Variants in FARSB observed in about 807,000 individuals in gnomAD.
FARSB encodes the protein phenylalanyl-tRNA synthetase subunit beta, also known as phenylalanine--tRNA ligase beta subunit.
A neutral mutation model predicts 69.6 loss-of-function variants in FARSB; 40 were observed. The ratio of observed to expected loss-of-function variants is 0.57; its 90% CI spans 0.45 to 0.75. The LOEUF (loss-of-function observed/expected upper bound fraction) is 0.75, where lower values mean the gene tolerates loss of function less well. Among genes scored for constraint, FARSB ranks in the 30% least tolerant of loss-of-function variants. The probability of loss-of-function intolerance (pLI) is 0.00; values close to 1 mark genes in which losing one functional copy is unlikely to be tolerated. For missense variants in FARSB, 632 were observed against 722.9 expected (o/e 0.87, Z 1.44); for synonymous variants, 235 against 247.2 (o/e 0.95, Z 0.46).
At chr2:222,605,111 T>C (rs1393116039) in intron 15 of FARSB, among the ~76,000 whole-genome samples, 1 of 149,440 alleles carries the variant, frequency 6.7e-6, no homozygotes, top group Non-Finnish European at 1.5e-5. Context: ...AAACCAACCA[T>C]ATTCATAAAC....
chr2:222,654,326 C>T (rs1559221037), intron 1 of FARSB, among the ~76,000 whole-genome samples: 1 of 150,546 alleles, frequency 6.6e-6, no homozygotes, highest in Non-Finnish European at 1.5e-5. Flanking sequence ...TTGTTTCATG[C>T]AAAAAAAAAT....
intron 10 of FARSB, among the ~76,000 whole-genome samples, chr2:222,625,623 T>A (rs932843777): frequency 2.2e-4 from 33 of 152,206 alleles, no homozygotes; most frequent in African/African-American, 6.8e-4. Context: ...CCCCAGGTGA[T>A]GAGAATGCAC....
intron 2 of FARSB, among the ~76,000 whole-genome samples, chr2:222,643,527 A>G (rs1188402249): frequency 6.6e-6 from 1 of 152,258 alleles, no homozygotes; most frequent in Non-Finnish European, 1.5e-5. Flanking sequence ...TAACAACAAC[A>G]AAAGTGTCAA....
chr2:222,585,433 C>G (rs1046022908), intron 16 of FARSB, among the ~76,000 whole-genome samples: 2 of 152,218 alleles, frequency 1.3e-5, no homozygotes, highest in African/African-American at 4.8e-5. Context: ...AGCAGAAAAG[C>G]TGAAAATTCT....
intron 14 of FARSB, among the ~76,000 whole-genome samples, chr2:222,616,416 G>A (rs994677780): frequency 2.0e-5 from 3 of 152,006 alleles, no homozygotes; most frequent in Non-Finnish European, 4.4e-5. Context: ...GCGCGGCAGC[G>A]CGTGCCTGTA....
intron 15 of FARSB, among the ~76,000 whole-genome samples, chr2:222,612,119 T>C (rs1356346956): frequency 6.6e-6 from 1 of 152,242 alleles, no homozygotes; most frequent in African/African-American, 2.4e-5. Context: ...AATGGAATTA[T>C]ATCAAATTCT....
At chr2:222,574,225 T>C (rs748647617) in intron 16 of FARSB, among the ~76,000 whole-genome samples, 2 of 152,148 alleles carry the variant, frequency 1.3e-5, no homozygotes, top group African/African-American at 4.8e-5. Flanking sequence ...TCTCCAGAAG[T>C]TGGGATCAAA....
chr2:222,603,716 AAATAT>A (rs1445376348), intron 15 of FARSB, among the ~76,000 whole-genome samples: 1 of 147,540 alleles, frequency 6.8e-6, no homozygotes, highest in Non-Finnish European at 1.5e-5. Flanking sequence ...TAATAATAAT[AAATAT>A]AATATTAATT....
chr2:222,624,813 A>G (rs746828441), intron 10 of FARSB, 38 bp from the exon 11 acceptor site: 1 of 1,278,776 alleles, frequency 7.8e-7, no homozygotes. Flanking sequence ...ATCATTTCCC[A>G]TCAGATACAG....
At chr2:222,592,957 C>T (rs369997934) in intron 16 of FARSB, among the ~76,000 whole-genome samples, 51 of 152,018 alleles carry the variant, frequency 3.4e-4, no homozygotes, top group Non-Finnish European at 6.0e-4. Flanking sequence ...TCCTTTCGTC[C>T]GGTGTGTCCA....
rs1689693436 is a variant in FARSB at position 222,570,307 on chromosome 2, T to C, written c.*1564A>G. Among the ~76,000 whole-genome samples the C allele has an allele frequency of 6.6e-6, 1 of 152,240 alleles. No homozygotes were observed. Among genetic ancestry groups the C allele is most frequent in the Non-Finnish European group, 1.5e-5 (1 of 68,040 alleles). ...ATACAAGTCCTTTTGGCATGCATTATTTTTAGAGGGCATATTTCATTTTTA... is the reference window on the plus strand; with the variant it reads ...ATACAAGTCCTTTTGGCATGCATTACTTTTAGAGGGCATATTTCATTTTTA... On this transcript the variant is annotated 3_prime_UTR_variant, in exon 17 of 17. Transcript: ENST00000281828.
At chr2:222,601,084 C>T (rs1258660027) in intron 15 of FARSB, among the ~76,000 whole-genome samples, 1 of 151,924 alleles carries the variant, frequency 6.6e-6, no homozygotes, top group Non-Finnish European at 1.5e-5. Context: ...CTCGGAGAAA[C>T]AGAAAGTAGA....
At chr2:222,654,744 A>G (rs763842971) in intron 1 of FARSB, among the ~76,000 whole-genome samples, 12 of 152,224 alleles carry the variant, frequency 7.9e-5, no homozygotes, top group Non-Finnish European at 1.3e-4. Flanking sequence ...CTTAGGAAAG[A>G]TTCTTAAAAG....
intron 2 of FARSB, among the ~76,000 whole-genome samples, chr2:222,645,342 G>A (rs1214720555): frequency 6.6e-6 from 1 of 152,120 alleles, no homozygotes; most frequent in Non-Finnish European, 1.5e-5. Context: ...TAATTCTGAG[G>A]TGTAGTAAAA....
intron 3 of FARSB, among the ~76,000 whole-genome samples, chr2:222,641,685 T>C (rs1314581125): frequency 6.6e-6 from 1 of 152,186 alleles, no homozygotes; most frequent in Non-Finnish European, 1.5e-5. Context: ...CTGGTAAAAA[T>C]ACAGATTCTC....
intron 1 of FARSB, among the ~76,000 whole-genome samples, chr2:222,649,234 T>TAAAAAAAA (rs71961708): frequency 1.1e-3 from 97 of 88,232 alleles, no homozygotes; most frequent in Admixed American, 2.5e-3. Context: ...CTCAAAAAAT[T>TAAAAAAAA]AAAAAAAAAA....
At chr2:222,606,031 T>C (rs1032868470) in intron 15 of FARSB, among the ~76,000 whole-genome samples, 2 of 152,308 alleles carry the variant, frequency 1.3e-5, no homozygotes, top group Non-Finnish European at 2.9e-5. Context: ...ACTATATATT[T>C]TTAGATTTAA....
intron 14 of FARSB, among the ~76,000 whole-genome samples, chr2:222,617,759 T>C (rs1469780374): frequency 6.6e-6 from 1 of 152,132 alleles, no homozygotes; most frequent in Non-Finnish European, 1.5e-5. Context: ...AGCACACACC[T>C]GTAATCCCAG....
chr2:222,638,097 CCA>C (rs1216326645), intron 5 of FARSB, among the ~76,000 whole-genome samples: 1 of 152,086 alleles, frequency 6.6e-6, no homozygotes, highest in Non-Finnish European at 1.5e-5. Context: ...ACTACAGATA[CCA>C]CAGATATTAA....
Sources: allele counts gnomAD v4.1 joint callset (sites outside exome capture counted in the v4.1 genomes callset), GRCh38; gene constraint gnomAD v4.1.1; transcripts MANE v1.5; gene names NCBI Gene and HGNC (gene_info 2026-07-23, HGNC 2026-07-21).